CACNA2D1: variants seen among roughly 807,000 people sequenced by gnomAD.
CACNA2D1 encodes voltage-dependent calcium channel subunit alpha-2/delta-1.
In CACNA2D1, 53 loss-of-function variants were observed where a neutral mutation model predicts 171.5. That is an observed-to-expected ratio of 0.31 (90% confidence interval 0.25 to 0.39). The LOEUF is 0.39. Ranked by LOEUF, CACNA2D1 falls within the 10% of genes least tolerant of loss-of-function variation. The pLI is 1.00. For synonymous variants in CACNA2D1, 442 were observed against 443.1 expected (o/e 1.00, Z 0.03); for missense variants, 903 against 1,299.8 (o/e 0.69, Z 4.69).
intron 3 of CACNA2D1, among the ~76,000 whole-genome samples, chr7:82,190,610 C>G (rs1335930142): frequency 6.6e-6 from 1 of 151,704 alleles, no homozygotes; most frequent in Admixed American, 6.6e-5. Context: ...AATTCCAAGT[C>G]CTTTTCAAAC....
chr7:82,206,457 A>C (rs1007060665), intron 3 of CACNA2D1, among the ~76,000 whole-genome samples: 1 of 152,152 alleles, frequency 6.6e-6, no homozygotes, highest in Non-Finnish European at 1.5e-5. Context: ...TTCCTACTTC[A>C]TCAAATGGTA....
intron 10 of CACNA2D1, chr7:82,051,234 CT>C (rs1186445012): frequency 6.6e-6 from 1 of 152,172 alleles, no homozygotes; most frequent in Non-Finnish European, 1.5e-5. Context: ...AATCTGCAGG[CT>C]TTTATAGCAG....
chr7:81,993,569 T>A (rs1007196939), intron 20 of CACNA2D1, among the ~76,000 whole-genome samples: 2 of 152,152 alleles, frequency 1.3e-5, no homozygotes, highest in South Asian at 4.1e-4. Context: ...GATATCACCT[T>A]AAAATTAGAA....
rs555281881 is a variant in CACNA2D1 at position 82,165,845 on chromosome 7, A to T, written c.354+4705T>A. Among the ~76,000 whole-genome samples, 12 of 152,196 alleles carry T rather than the reference A, an allele frequency of 7.9e-5. No individual in the cohort carries two copies. In the South Asian group the frequency reaches 2.3e-3, roughly 29 times the overall value. Reference sequence around the variant, plus strand: ...GTGTTTCAACCAAAGGTGGAAACTAAGAAAGACTAAATAAAGCCAGAGCCT... The same window carrying T: ...GTGTTTCAACCAAAGGTGGAAACTATGAAAGACTAAATAAAGCCAGAGCCT... On this transcript the variant is annotated intron_variant, in intron 4 of 38. Coordinates refer to ENST00000356860, the MANE Select transcript of CACNA2D1 (RefSeq NM_000722.4).
At chr7:82,000,700 C>T (rs910193469) in intron 18 of CACNA2D1, among the ~76,000 whole-genome samples, 12 of 148,916 alleles carry the variant, frequency 8.1e-5, no homozygotes, top group Admixed American at 4.7e-4. Flanking sequence ...TGGGTCCAAG[C>T]GATTCTGCCT....
chr7:81,952,480 C>A (rs968860151), intron 38 of CACNA2D1, among the ~76,000 whole-genome samples: 1 of 152,030 alleles, frequency 6.6e-6, no homozygotes, highest in African/African-American at 2.4e-5. Context: ...AATTTACATC[C>A]CAAATCTAAA....
chr7:82,398,492 A>G (rs908392509), intron 1 of CACNA2D1, among the ~76,000 whole-genome samples: 1 of 152,198 alleles, frequency 6.6e-6, no homozygotes, highest in Non-Finnish European at 1.5e-5. Flanking sequence ...GTTGTTACAC[A>G]CAACAAAAAA....
intron 4 of CACNA2D1, among the ~76,000 whole-genome samples, chr7:82,167,937 A>G (rs767855326): frequency 6.6e-6 from 1 of 152,114 alleles, no homozygotes; most frequent in Non-Finnish European, 1.5e-5. Context: ...CTATTTCACC[A>G]TAGAAGATTT....
At chr7:82,378,570 A>G (rs1419790775) in intron 1 of CACNA2D1, among the ~76,000 whole-genome samples, 1 of 152,156 alleles carries the variant, frequency 6.6e-6, no homozygotes, top group Non-Finnish European at 1.5e-5. Context: ...CTGTCTCCCT[A>G]TAATTTTTGT....
chr7:82,146,205 C>T (rs186503584), intron 4 of CACNA2D1, among the ~76,000 whole-genome samples: 9 of 151,596 alleles, frequency 5.9e-5, no homozygotes, highest in Non-Finnish European at 1.0e-4. Context: ...CAGCCCAGAG[C>T]TGAACTATCA....
chr7:82,093,965 G>A (rs1811547940), intron 6 of CACNA2D1, among the ~76,000 whole-genome samples: 1 of 152,262 alleles, frequency 6.6e-6, no homozygotes, highest in East Asian at 1.9e-4. Flanking sequence ...AATCTGGACT[G>A]CTGAATTCAC....
At chr7:81,989,551 G>C (rs1195016458) in intron 21 of CACNA2D1, among the ~76,000 whole-genome samples, 2 of 152,146 alleles carry the variant, frequency 1.3e-5, no homozygotes, top group African/African-American at 2.4e-5. Flanking sequence ...AGAGTGAAGT[G>C]ATCAAGAGTC....
intron 12 of CACNA2D1, chr7:82,028,212 A>C (rs1802193352): frequency 6.6e-6 from 1 of 151,772 alleles, no homozygotes; most frequent in South Asian, 2.1e-4. Flanking sequence ...CAGGGTCCTT[A>C]AGAATTATGC....
At chr7:82,139,894 C>T (rs1792141737) in intron 4 of CACNA2D1, among the ~76,000 whole-genome samples, 1 of 151,170 alleles carries the variant, frequency 6.6e-6, no homozygotes, top group Admixed American at 6.6e-5. Context: ...AAGCAATTCT[C>T]CTGCCTCAGC....
At position 82,433,477 on chromosome 7, in the gene CACNA2D1, A is replaced by C. The variant is rs1421064738; in HGVS notation, c.95+9888T>G. Among the ~76,000 whole-genome samples the C allele has an allele frequency of 3.3e-5, 5 of 152,156 alleles. No homozygotes were observed. In the East Asian group the frequency reaches 9.6e-4, roughly 29 times the overall value. On this transcript the variant is annotated intron_variant, in intron 1 of 38. Coordinates refer to ENST00000356860, the MANE Select transcript of CACNA2D1 (RefSeq NM_000722.4). ...TGTAATTTAAATCATTCCTCTAAAAACATCTCCAGTAAATTAAAATTATAT... is the reference window on the plus strand; with the variant it reads ...TGTAATTTAAATCATTCCTCTAAAACCATCTCCAGTAAATTAAAATTATAT...
intron 38 of CACNA2D1, among the ~76,000 whole-genome samples, chr7:81,953,224 A>G (rs1436113314): frequency 6.6e-6 from 1 of 151,992 alleles, no homozygotes; most frequent in African/African-American, 2.4e-5. Flanking sequence ...CATGGCTTCT[A>G]CTCTGCCCTT....
intron 19 of CACNA2D1, among the ~76,000 whole-genome samples, chr7:81,995,356 A>G (rs1460585143): frequency 6.6e-6 from 1 of 152,202 alleles, no homozygotes; most frequent in African/African-American, 2.4e-5. Flanking sequence ...AATATTTTTA[A>G]GAGGACTCTT....
At chr7:82,305,342 A>T (rs1018470140) in intron 3 of CACNA2D1, among the ~76,000 whole-genome samples, 3 of 152,228 alleles carry the variant, frequency 2.0e-5, no homozygotes, top group Non-Finnish European at 4.4e-5. Flanking sequence ...ACATATTTTG[A>T]TATGGCTATT....
At chr7:81,973,411 A>G (rs1795500199) in intron 25 of CACNA2D1, among the ~76,000 whole-genome samples, 1 of 152,096 alleles carries the variant, frequency 6.6e-6, no homozygotes, top group Non-Finnish European at 1.5e-5. Flanking sequence ...AATCTGTGCT[A>G]AAGTGAAGGA....
Sources: gnomAD v4.1 joint callset for allele counts (sites outside exome capture counted in the v4.1 genomes callset) on GRCh38, gnomAD v4.1.1 for gene constraint, MANE v1.5 for transcripts, NCBI Gene and HGNC (gene_info 2026-07-23, HGNC 2026-07-21) for gene names.